The following WDR88 variants were observed in gnomAD, a reference collection of about 807,000 sequenced individuals.
WDR88 encodes WD repeat domain 88.
A neutral mutation model predicts 46.8 loss-of-function variants in WDR88; 40 were observed. The observed-to-expected ratio is 0.86, with a 90% CI of 0.66 to 1.11. The LOEUF is 1.11. Ranked by LOEUF, WDR88 falls within the 50% of genes most tolerant of loss-of-function variation. WDR88 has a pLI of 0.00. For missense variants in WDR88, 562 were observed against 602.4 expected (o/e 0.93, Z 0.70); for synonymous variants, 235 against 240.7 (o/e 0.98, Z 0.22).
chr19:33,161,027 G>C (rs1973856443), intron 8 of WDR88, among the ~76,000 whole-genome samples: 1 of 151,878 alleles, frequency 6.6e-6, no homozygotes, highest in African/African-American at 2.4e-5. Context: ...ACAAAAATCA[G>C]CCGGGTGTGG....
At chr19:33,174,338 A>G in intron 10 of WDR88, 2 of 1,489,996 alleles carry the variant, frequency 1.3e-6, no homozygotes, top group South Asian at 2.5e-5. Flanking sequence ...AGTGTCCTGG[A>G]GTGGGCAGAA....
chr19:33,149,131 G>A (rs1226649173), intron 5 of WDR88, among the ~76,000 whole-genome samples: 7 of 152,082 alleles, frequency 4.6e-5, no homozygotes, highest in African/African-American at 1.2e-4. Context: ...ACCAGCCTGG[G>A]CAACAGGGTG....
At chr19:33,156,611 T>G in intron 7 of WDR88, 69 bp downstream of exon 7, 1 of 1,504,438 alleles carries the variant, frequency 6.6e-7, no homozygotes, top group Non-Finnish European at 8.9e-7. Context: ...CATGTTCCGT[T>G]CAAATGGACA....
In WDR88 at chr19:33,134,579, G is replaced by C. The variant is rs1345359870; in HGVS notation, c.276+2134G>C. On this transcript the variant is annotated intron_variant, in intron 1 of 10. Transcript: ENST00000355868. ...TGCAGGGGCGGCAGGGGCTGGGGTC[G>C]CCAGAGGCGGGGGCGGTGCGGGAGG... is the stretch of plus-strand genomic sequence containing the variant. Among the ~76,000 whole-genome samples the C allele has an allele frequency of 2.6e-5, 4 of 151,988 alleles. No individual in the cohort carries two copies. In the East Asian group the frequency reaches 7.8e-4, roughly 29 times the overall value.
Position 33,172,368 on chromosome 19 carries a change from GA to G in WDR88, c.1172del (p.Asn391IlefsTer11). ...TTTAGGATAGGACCATGAGACTGTGGAATATTGAAGAAATTGATGAAATTCC... is the reference window on the plus strand; with the variant it reads ...TTTAGGATAGGACCATGAGACTGTGGATATTGAAGAAATTGATGAAATTCC... ...ASKDRTMRLW[N>X]IEEIDEIPLV... On this transcript the variant is annotated frameshift_variant, in exon 10 of 11. Transcript: ENST00000355868. LOFTEE classifies it high-confidence loss of function. 1 of 1,613,940 alleles carries G rather than the reference GA, an allele frequency of 6.2e-7. No individual in the cohort carries two copies.
At chr19:33,143,258 C>G (rs981299586) in intron 2 of WDR88, among the ~76,000 whole-genome samples, 1 of 149,310 alleles carries the variant, frequency 6.7e-6, no homozygotes, top group African/African-American at 2.5e-5. Flanking sequence ...TTGCTGGAGC[C>G]CAGGAGGTGG....
intron 1 of WDR88, among the ~76,000 whole-genome samples, chr19:33,135,052 T>TG (rs968213590): frequency 0.13 from 2,521 of 19,976 alleles, 120 homozygotes; most frequent in African/African-American, 0.26. Flanking sequence ...CTGGGGTGGG[T>TG]GGGTGGGGGG....
chr19:33,144,851 T>C lies in WDR88; in HGVS notation c.395T>C (p.Val132Ala), dbSNP rs1202690246. Residue 132 changes from valine (V) to alanine (A), a missense_variant, in exon 3 of 11, where the codon GTG (valine) becomes GCG (alanine). Val to Ala is a moderately conservative substitution (Grantham distance 64). Coordinates refer to ENST00000355868, the MANE Select transcript of WDR88 (RefSeq NM_173479.4). ...CTCTCCCGTTGATTTGAGGATCCGGTGGACGGTTCTGTGGTTCGCGATTTT... is the reference window on the plus strand; with the variant it reads ...CTCTCCCGTTGATTTGAGGATCCGGCGGACGGTTCTGTGGTTCGCGATTTT... ...YDCTVKLWDP[V>A]DGSVVRDFEH... 1.9e-5 allele frequency: 31 copies of C among 1,613,478 alleles called. No homozygotes were observed. Among genetic ancestry groups the C allele is most frequent in the Non-Finnish European group, 2.6e-5 (31 of 1,179,872 alleles).
intron 7 of WDR88, among the ~76,000 whole-genome samples, chr19:33,156,746 GC>G (rs1203947412): frequency 2.6e-5 from 4 of 152,180 alleles, no homozygotes; most frequent in Non-Finnish European, 5.9e-5. Context: ...TGTGGCGTAT[GC>G]AACCAAAGAA....
rs1015935599 is a variant in WDR88, at chr19:33,152,632, C to T, written c.809+1322C>T. 5.5e-4 allele frequency among the ~76,000 whole-genome samples: 84 copies of T among 152,094 alleles called. 4 individuals are homozygous for T. Among genetic ancestry groups the T allele is most frequent in the Non-Finnish European group, 2.9e-5 (2 of 68,032 alleles). On this transcript the variant is annotated intron_variant, in intron 6 of 10. Transcript: ENST00000355868. ...TTTTTTTTCCTTTGAGACTTAGTCT[C>T]GCTATGTCCCCCAGGCTGGAGTGCA...
chr19:33,159,052 G>A (rs1332695464), intron 7 of WDR88, among the ~76,000 whole-genome samples: 3 of 151,830 alleles, frequency 2.0e-5, no homozygotes, highest in African/African-American at 4.8e-5. Flanking sequence ...TCCCTTGGCC[G>A]TGTGTGGTGG....
rs1973479868 is a variant in WDR88, at chr19:33,144,885, G to A, written c.429G>A (p.Arg143=). 1.9e-6 allele frequency: 3 copies of A among 1,613,774 alleles called. No individual in the cohort carries two copies. The highest frequency in any genetic ancestry group is 2.5e-6 in the Non-Finnish European group (3 of 1,179,930). The part of the protein sequence containing the change: ...DGSVVRDFEH[R]PKAPVVECSI... ...CTGTGGTTCGCGATTTTGAGCACAG[G>A]CCCAAAGCTCCTGTTGTAGAGTGCA... is the stretch of plus-strand genomic sequence containing the variant. The change falls in exon 3 of 11, where the codon AGG becomes AGA. Residue 143 remains arginine, a synonymous_variant. Transcript: ENST00000355868.
rs372211336 is a variant in WDR88 at position 33,141,403 on chromosome 19, C to T, written c.388-3441C>T. 1.6e-4 allele frequency among the ~76,000 whole-genome samples: 24 copies of T among 151,826 alleles called. No homozygotes were observed. In the South Asian group the frequency reaches 4.8e-3, roughly 30 times the overall value. ...GGCTGCCATGCCCAGCTAATATTAT[C>T]ATTTTTTGTAGAGATGGGATCTCCC... On this transcript the variant is annotated intron_variant, in intron 2 of 10. Transcript: ENST00000355868.
chr19:33,162,610 C>T (rs1215750982), intron 8 of WDR88, among the ~76,000 whole-genome samples: 2 of 152,118 alleles, frequency 1.3e-5, no homozygotes, highest in Admixed American at 6.6e-5. Flanking sequence ...GAAAAGCCCC[C>T]TCACTTACAG....
intron 1 of WDR88, among the ~76,000 whole-genome samples, chr19:33,135,219 C>A (rs951054708): frequency 6.6e-6 from 1 of 152,078 alleles, no homozygotes; most frequent in South Asian, 2.1e-4. Flanking sequence ...CCCATCCTGC[C>A]GACACCAGGC....
At chr19:33,164,298 G>C (rs758281387) in intron 9 of WDR88, 33 bp downstream of exon 9, 9 of 1,594,512 alleles carry the variant, frequency 5.6e-6, no homozygotes, top group Non-Finnish European at 7.7e-6. Context: ...TATCGATCAC[G>C]TTCGCCAGGA....
chr19:33,174,653 T>C, intron 10 of WDR88: 2 of 985,476 alleles, frequency 2.0e-6, no homozygotes, highest in African/African-American at 3.5e-5. Flanking sequence ...TACTTGCGTC[T>C]CATGGTTCTG....
In WDR88 at chr19:33,156,916, C is replaced by T. The variant is rs576504449; in HGVS notation, c.997+374C>T. ...TTTACCCCCAAGGAGGCAAAGATGG[C>T]CGGATGAGGTGCCTTATGCCTGTAA... On this transcript the variant is annotated intron_variant, in intron 7 of 10. Transcript: ENST00000355868. Among the ~76,000 whole-genome samples, 9 of 152,242 alleles carry T rather than the reference C, an allele frequency of 5.9e-5. No individual in the cohort carries two copies. In the South Asian group the frequency reaches 1.9e-3, roughly 32 times the overall value.
intron 1 of WDR88, 126 bp from the exon 2 acceptor site, chr19:33,137,551 C>T (rs1034422666): frequency 3.5e-6 from 3 of 848,412 alleles, no homozygotes; most frequent in African/African-American, 3.5e-5. Flanking sequence ...CCCCCCTGGC[C>T]AGAATTTTTT....
Sources: allele counts gnomAD v4.1 joint callset (sites outside exome capture counted in the v4.1 genomes callset), GRCh38; gene constraint gnomAD v4.1.1; transcripts MANE v1.5; gene names NCBI Gene and HGNC (gene_info 2026-07-23, HGNC 2026-07-21).